The following PTPRD variants were observed in gnomAD, a reference collection of about 807,000 sequenced individuals.
PTPRD encodes the protein protein tyrosine phosphatase receptor type D.
A neutral mutation model predicts 214.5 loss-of-function variants in PTPRD; 34 were observed. The observed-to-expected ratio is 0.16, with a 90% CI of 0.12 to 0.21. PTPRD has a LOEUF of 0.21. PTPRD is among the 10% of genes least tolerant of loss of function. The pLI, the probability that PTPRD is intolerant of heterozygous loss-of-function variation, is 1.00. For missense variants in PTPRD, 2,545 were observed against 2,398.7 expected (o/e 1.06, Z -1.27); for synonymous variants, 1,128 against 845.7 (o/e 1.33, Z -5.79).
At chr9:9,621,714 T>G (rs1333985247) in intron 7 of PTPRD, among the ~76,000 whole-genome samples, 1 of 152,166 alleles carries the variant, frequency 6.6e-6, no homozygotes, top group Non-Finnish European at 1.5e-5. Context: ...CTTTAATACA[T>G]TTAGTTAAAG....
At chr9:9,372,597 G>C (rs201447523) in intron 9 of PTPRD, among the ~76,000 whole-genome samples, 1 of 151,962 alleles carries the variant, frequency 6.6e-6, no homozygotes, top group South Asian at 2.1e-4. Flanking sequence ...TTAATTGGAG[G>C]ATTTAGCCCA....
At chr9:9,395,385 A>G (rs1158509660) in intron 9 of PTPRD, among the ~76,000 whole-genome samples, 2 of 152,124 alleles carry the variant, frequency 1.3e-5, no homozygotes, top group African/African-American at 4.8e-5. Flanking sequence ...GGCTTCATTT[A>G]CCTTGAGAGA....
chr9:9,267,877 T>C (rs1940791375), intron 9 of PTPRD, among the ~76,000 whole-genome samples: 1 of 151,184 alleles, frequency 6.6e-6, no homozygotes, highest in African/African-American at 2.4e-5. Flanking sequence ...GGAATATACT[T>C]CAACATTATA....
chr9:8,692,999 G>A (rs1158077912), intron 12 of PTPRD, among the ~76,000 whole-genome samples: 3 of 152,208 alleles, frequency 2.0e-5, no homozygotes, highest in South Asian at 2.1e-4. Flanking sequence ...TTAGCAAAAT[G>A]TATACAGACT....
At chr9:10,098,649 T>C (rs1452657326) in intron 3 of PTPRD, among the ~76,000 whole-genome samples, 1 of 151,780 alleles carries the variant, frequency 6.6e-6, no homozygotes, top group Non-Finnish European at 1.5e-5. Flanking sequence ...AGTTTTGTTT[T>C]TGGAGAAAAA....
intron 2 of PTPRD, among the ~76,000 whole-genome samples, chr9:10,423,090 C>T (rs576218391): frequency 1.3e-5 from 2 of 151,722 alleles, no homozygotes; most frequent in Non-Finnish European, 1.5e-5. Flanking sequence ...ATTAAGAAAA[C>T]GTGGCACATA....
chr9:10,134,853 T>C (rs1203162749), intron 3 of PTPRD, among the ~76,000 whole-genome samples: 1 of 152,054 alleles, frequency 6.6e-6, no homozygotes, highest in Non-Finnish European at 1.5e-5. Context: ...TGGCTCCCTA[T>C]TATATTAGAT....
At chr9:9,394,774 T>C (rs1236753970) in intron 9 of PTPRD, among the ~76,000 whole-genome samples, 3 of 151,966 alleles carry the variant, frequency 2.0e-5, no homozygotes, top group Non-Finnish European at 1.5e-5. Context: ...AGAGATGGTG[T>C]TGTGTGGTCT....
At chr9:9,818,562 A>T (rs1215149344) in intron 5 of PTPRD, among the ~76,000 whole-genome samples, 1 of 152,158 alleles carries the variant, frequency 6.6e-6, no homozygotes, top group Non-Finnish European at 1.5e-5. Flanking sequence ...CAGACGATTT[A>T]GGAAAACTAC....
At chr9:8,701,849 G>T (rs759630020) in intron 12 of PTPRD, among the ~76,000 whole-genome samples, 1 of 152,160 alleles carries the variant, frequency 6.6e-6, no homozygotes, top group Non-Finnish European at 1.5e-5. Flanking sequence ...GTGAGGGTTT[G>T]TTTCTCTAAA....
chr9:9,675,902 T>C lies in PTPRD; in HGVS notation c.-287+58631A>G, dbSNP rs959681305. 1.8e-4 allele frequency among the ~76,000 whole-genome samples: 27 copies of C among 152,188 alleles called. No homozygotes were observed. In the Middle Eastern group the frequency reaches 0.017, roughly 96 times the overall value. On this transcript the variant is annotated intron_variant, in intron 7 of 45. Coordinates refer to ENST00000381196, the MANE Select transcript of PTPRD (RefSeq NM_002839.4). ...TTATACCCAATCTCTGTCAGCATCATTGATGTAAAAATTCCAATCAAAATA... is the reference window on the plus strand; with the variant it reads ...TTATACCCAATCTCTGTCAGCATCACTGATGTAAAAATTCCAATCAAAATA...
chr9:10,429,674 T>C (rs2098658852), intron 2 of PTPRD, among the ~76,000 whole-genome samples: 2 of 151,240 alleles, frequency 1.3e-5, no homozygotes. Flanking sequence ...ATATATATTC[T>C]ATATATGTTC....
At chr9:9,126,501 C>T (rs574252557) in intron 10 of PTPRD, among the ~76,000 whole-genome samples, 1 of 152,146 alleles carries the variant, frequency 6.6e-6, no homozygotes, top group Non-Finnish European at 1.5e-5. Context: ...ATTAAAATTT[C>T]TATGGCATAC....
chr9:8,901,945 A>C (rs1414869451), intron 11 of PTPRD, among the ~76,000 whole-genome samples: 1 of 152,202 alleles, frequency 6.6e-6, no homozygotes, highest in South Asian at 2.1e-4. Context: ...ACAATTCTGG[A>C]TAAATCTATT....
intron 37 of PTPRD, among the ~76,000 whole-genome samples, chr9:8,386,234 C>A (rs1413232033): frequency 6.6e-6 from 1 of 152,176 alleles, no homozygotes; most frequent in Admixed American, 6.5e-5. Flanking sequence ...ACTCAGACAT[C>A]TGACTGCAAA....
chr9:10,207,763 T>G (rs1207763831), intron 3 of PTPRD, among the ~76,000 whole-genome samples: 1 of 151,840 alleles, frequency 6.6e-6, no homozygotes, highest in Non-Finnish European at 1.5e-5. Context: ...CTTGAATAAT[T>G]GTGTAAAAGT....
At chr9:9,760,249 A>G (rs942171199) in intron 6 of PTPRD, among the ~76,000 whole-genome samples, 1 of 152,146 alleles carries the variant, frequency 6.6e-6, no homozygotes, top group African/African-American at 2.4e-5. Flanking sequence ...GAAAACATTC[A>G]TACATCTTAC....
chr9:8,631,780 G>A lies in PTPRD; in HGVS notation c.352+1537C>T, dbSNP rs114115122. ...GGTTATTACAATTGTCTTTTCTCTA[G>A]GAAATCCCTCCCTTGTTTTTAGCAA... is the stretch of plus-strand genomic sequence containing the variant. On this transcript the variant is annotated intron_variant, in intron 14 of 45. Coordinates refer to ENST00000381196, the MANE Select transcript of PTPRD (RefSeq NM_002839.4). 5.2e-3 allele frequency among the ~76,000 whole-genome samples: 793 copies of A among 151,716 alleles called. 10 individuals carry two copies. The highest frequency in any genetic ancestry group is 0.017 in the African/African-American group (721 of 41,454).
intron 4 of PTPRD, among the ~76,000 whole-genome samples, chr9:9,972,599 A>G (rs956038898): frequency 2.0e-5 from 3 of 152,240 alleles, no homozygotes; most frequent in African/African-American, 7.2e-5. Context: ...AGCTTGAAAG[A>G]ACACAAATTT....
Sources: allele counts gnomAD v4.1 joint callset (sites outside exome capture counted in the v4.1 genomes callset), GRCh38; gene constraint gnomAD v4.1.1; transcripts MANE v1.5; gene names NCBI Gene and HGNC (gene_info 2026-07-23, HGNC 2026-07-21).